UNC13C: variants seen among roughly 807,000 people sequenced by gnomAD.
UNC13C encodes unc-13 homolog C, also known as protein unc-13 homolog C.
Under a neutral mutation model 245.4 loss-of-function variants are expected in UNC13C, and 174 were observed. That is an observed-to-expected ratio of 0.71 (90% CI 0.63 to 0.80). UNC13C has a LOEUF of 0.80. Among genes scored for constraint, UNC13C ranks in the 30% least tolerant of loss-of-function variants. The pLI, the probability that UNC13C is intolerant of heterozygous loss-of-function variation, is 0.00. For missense variants in UNC13C, 2,829 were observed against 2,602.9 expected, an observed-to-expected ratio of 1.09 and a Z score of -1.89; for synonymous variants, 992 against 895.1, an observed-to-expected ratio of 1.11 and a Z score of -1.93.
chr15:54,246,446 G>A (rs575061556), intron 7 of UNC13C, among the ~76,000 whole-genome samples: 120 of 147,318 alleles, frequency 8.1e-4, no homozygotes, highest in Non-Finnish European at 1.5e-3. Context: ...AGAGTATTAC[G>A]TCCTGTCTAT....
intron 19 of UNC13C, among the ~76,000 whole-genome samples, chr15:54,478,549 T>C (rs1391678038): frequency 6.6e-6 from 1 of 151,752 alleles, no homozygotes; most frequent in African/African-American, 2.4e-5. Flanking sequence ...TCTTTATTTC[T>C]GCCTTCATTT....
intron 19 of UNC13C, among the ~76,000 whole-genome samples, chr15:54,439,685 A>G (rs1890412587): frequency 6.6e-6 from 1 of 151,974 alleles, no homozygotes; most frequent in African/African-American, 2.4e-5. Flanking sequence ...TTTATGGGGT[A>G]CATGTGATAT....
intron 18 of UNC13C, among the ~76,000 whole-genome samples, chr15:54,412,886 C>T (rs1273312778): frequency 6.6e-6 from 1 of 152,128 alleles, no homozygotes; most frequent in Non-Finnish European, 1.5e-5. Flanking sequence ...AAGTGTGAGA[C>T]TTAACTATAA....
At chr15:54,193,880 G>C (rs1455942953) in intron 4 of UNC13C, among the ~76,000 whole-genome samples, 1 of 152,126 alleles carries the variant, frequency 6.6e-6, no homozygotes, top group Non-Finnish European at 1.5e-5. Context: ...AATTTTCAAA[G>C]TGACATCTGA....
the UNC13C span, among the ~76,000 whole-genome samples, chr15:53,942,983 ATATCT>A: frequency 6.6e-6 from 1 of 152,138 alleles, no homozygotes; most frequent in African/African-American, 2.4e-5. Flanking sequence ...TTTTTGCTTG[ATATCT>A]TATTTATGAA....
the UNC13C span, among the ~76,000 whole-genome samples, chr15:53,969,684 CAAA>C: frequency 7.3e-5 from 7 of 95,876 alleles, no homozygotes; most frequent in Admixed American, 1.2e-4. Flanking sequence ...GGTGCTGTCT[CAAA>C]AAAAAAAAAA....
At chr15:54,377,912 C>G (rs2039641031) in intron 17 of UNC13C, among the ~76,000 whole-genome samples, 1 of 152,112 alleles carries the variant, frequency 6.6e-6, no homozygotes, top group African/African-American at 2.4e-5. Flanking sequence ...ATTACATTTT[C>G]ATATCTGTGA....
At chr15:54,417,660 G>T (rs1460839580) in intron 19 of UNC13C, among the ~76,000 whole-genome samples, 2 of 151,926 alleles carry the variant, frequency 1.3e-5, no homozygotes, top group African/African-American at 4.8e-5. Context: ...AGAATAGATG[G>T]TCTTACTAGT....
chr15:54,370,506 A>G (rs548980893), intron 17 of UNC13C, among the ~76,000 whole-genome samples: 12 of 152,310 alleles, frequency 7.9e-5, no homozygotes, highest in Middle Eastern at 3.4e-3. Flanking sequence ...ACAATGAGCA[A>G]TCTGACAGTT....
At chr15:54,161,946 T>TA (rs35899315) in intron 4 of UNC13C, among the ~76,000 whole-genome samples, 43,380 of 151,148 alleles carry the variant, frequency 0.29, 6,388 homozygotes, top group African/African-American at 0.35. Context: ...GGACTCCATT[T>TA]AAAAAAAAAT....
chr15:54,035,301 A>G (rs1490055203), intron 2 of UNC13C, among the ~76,000 whole-genome samples: 1 of 152,244 alleles, frequency 6.6e-6, no homozygotes, highest in Non-Finnish European at 1.5e-5. Context: ...ATAGCATGTT[A>G]CATGATTACA....
chr15:53,841,492 A>C, the UNC13C span, among the ~76,000 whole-genome samples: 1 of 152,156 alleles, frequency 6.6e-6, no homozygotes, highest in Non-Finnish European at 1.5e-5. Context: ...TATTAAGCAC[A>C]AATCTGCCGG....
intron 13 of UNC13C, among the ~76,000 whole-genome samples, chr15:54,312,446 G>T (rs1475246626): frequency 1.3e-5 from 2 of 151,662 alleles, no homozygotes; most frequent in African/African-American, 4.8e-5. Flanking sequence ...GCTTCTATTG[G>T]TGAGTTTTCT....
At chr15:54,552,740 A>G (rs573793870) in intron 28 of UNC13C, among the ~76,000 whole-genome samples, 90 of 90,264 alleles carry the variant, frequency 1.0e-3, no homozygotes, top group African/African-American at 3.9e-3. Context: ...AATATAATAT[A>G]TATTATATAG....
At chr15:53,976,821 TGG>T (rs2140940202), upstream of UNC13C, 1 of 152,328 alleles carries the variant, frequency 6.6e-6, no homozygotes, top group South Asian at 2.1e-4. Flanking sequence ...TACTTTGCAG[TGG>T]TTATTTCACA....
chr15:53,896,355 A>C, the UNC13C span, among the ~76,000 whole-genome samples: 3 of 152,138 alleles, frequency 2.0e-5, no homozygotes, highest in East Asian at 1.9e-4. Flanking sequence ...TAGTGTTAGC[A>C]CTTCCTCTAA....
chr15:53,912,696 C>T, the UNC13C span: 1 of 152,254 alleles, frequency 6.6e-6, no homozygotes, highest in South Asian at 2.1e-4. Context: ...CATCACCAGC[C>T]CCAAGTTCTG....
intron 19 of UNC13C, among the ~76,000 whole-genome samples, chr15:54,440,416 T>C (rs536492695): frequency 1.3e-5 from 2 of 152,216 alleles, no homozygotes; most frequent in African/African-American, 4.8e-5. Flanking sequence ...GTACTGTCTT[T>C]CTGTGCCTGG....
chr15:54,620,842 T>C (rs777468617), intron 30 of UNC13C, among the ~76,000 whole-genome samples: 7 of 151,554 alleles, frequency 4.6e-5, no homozygotes, highest in Non-Finnish European at 1.0e-4. Context: ...CCTTCAGTAG[T>C]ACAAAGAGTA....
Sources: gnomAD v4.1 joint callset for allele counts (sites outside exome capture counted in the v4.1 genomes callset) on GRCh38, gnomAD v4.1.1 for gene constraint, MANE v1.5 for transcripts, NCBI Gene and HGNC (gene_info 2026-07-23, HGNC 2026-07-21) for gene names.